The following UBE2V2 variants were observed in gnomAD, a reference collection of about 807,000 sequenced individuals.
UBE2V2 encodes the protein ubiquitin conjugating enzyme E2 V2.
In UBE2V2, 9 loss-of-function variants were observed where a neutral mutation model predicts 17.2. The observed-to-expected ratio is 0.52, with a 90% CI of 0.32 to 0.91. The LOEUF (loss-of-function observed/expected upper bound fraction) is 0.91. Ranked by LOEUF, UBE2V2 falls within the 40% of genes least tolerant of loss-of-function variation. UBE2V2 has a pLI of 0.04. For missense variants in UBE2V2, 133 were observed against 182.6 expected (o/e 0.73, Z 1.56); for synonymous variants, 61 against 57.5 (o/e 1.06, Z -0.28).
upstream of UBE2V2, among the ~76,000 whole-genome samples, chr8:48,006,636 A>G (rs1210540036): frequency 6.6e-6 from 1 of 152,188 alleles, no homozygotes; most frequent in Non-Finnish European, 1.5e-5. Context: ...CTGCTTCAAC[A>G]TATGCAAATC....
At chr8:48,007,979 G>A (rs1296421513), upstream of UBE2V2, among the ~76,000 whole-genome samples, 2 of 152,140 alleles carry the variant, frequency 1.3e-5, no homozygotes, top group Non-Finnish European at 2.9e-5. Context: ...CTGGAGTGCA[G>A]TGGCGCAATC....
chr8:47,998,244 T>C, the UBE2V2 span, among the ~76,000 whole-genome samples: 4 of 151,872 alleles, frequency 2.6e-5, no homozygotes, highest in Admixed American at 2.0e-4. Context: ...TGAGATTGCA[T>C]AGGAGGCACC....
chr8:48,022,427 C>T (rs905720474), intron 1 of UBE2V2, among the ~76,000 whole-genome samples: 2 of 152,144 alleles, frequency 1.3e-5, no homozygotes, highest in African/African-American at 4.8e-5. Flanking sequence ...TGAACCACCA[C>T]GCCCAGCCTG....
chr8:48,036,005 T>TGG lies in UBE2V2; in HGVS notation c.17-7027_17-7026dup, dbSNP rs1320907643. On this transcript the variant is annotated intron_variant, in intron 1 of 3. Coordinates refer to ENST00000523111, the MANE Select transcript of UBE2V2 (RefSeq NM_003350.3). ...TCACTCTGTCACCCAGGCTAGAGTG[T>TGG]GGTGGCGTGAACAAACATGGCTCAC... Among the ~76,000 whole-genome samples, 4 of 148,886 alleles carry TGG rather than the reference T, an allele frequency of 2.7e-5. No homozygotes were observed. The East Asian group carries it at 8.0e-4, about 30-fold the overall frequency.
intron 2 of UBE2V2, among the ~76,000 whole-genome samples, chr8:48,044,528 T>C (rs2091485537): frequency 2.0e-5 from 3 of 152,226 alleles, no homozygotes; most frequent in Non-Finnish European, 2.9e-5. Context: ...GTGTGTTTTA[T>C]GTTGTTTTCT....
At chr8:48,003,202 T>A in the UBE2V2 span, among the ~76,000 whole-genome samples, 1 of 145,902 alleles carries the variant, frequency 6.9e-6, no homozygotes, top group South Asian at 2.2e-4. Flanking sequence ...AGAGCAAGAC[T>A]CTGTCTCAAA....
In UBE2V2 at chr8:48,062,647, T is replaced by A. The variant is rs897309211; in HGVS notation, c.*1819T>A. Reference sequence around the variant, plus strand: ...GACCTTGGCTGTATATTAAAATAGTTACTTTTATAGTAGAGCACATTTCTC... The same window carrying A: ...GACCTTGGCTGTATATTAAAATAGTAACTTTTATAGTAGAGCACATTTCTC... On this transcript the variant is annotated 3_prime_UTR_variant, in exon 4 of 4. Coordinates refer to ENST00000523111, the MANE Select transcript of UBE2V2 (RefSeq NM_003350.3). The A allele has an allele frequency of 1.3e-5, 2 of 152,086 alleles. No individual in the cohort carries two copies. Among genetic ancestry groups the A allele is most frequent in the East Asian group, 3.8e-4 (2 of 5,200 alleles). 9.4% of individuals were successfully genotyped at this position (152,086 alleles called of 1,614,324 possible).
chr8:48,037,769 AAAATG>A (rs2091434502), intron 1 of UBE2V2, among the ~76,000 whole-genome samples: 1 of 152,256 alleles, frequency 6.6e-6, no homozygotes, highest in African/African-American at 2.4e-5. Flanking sequence ...TTACAACAGT[AAAATG>A]AACCACAACT....
the UBE2V2 span, among the ~76,000 whole-genome samples, chr8:47,999,819 G>A: frequency 1.2e-4 from 18 of 152,292 alleles, no homozygotes; most frequent in South Asian, 1.9e-3. Flanking sequence ...GCAGACTCAC[G>A]TCTCAAAAAC....
At position 48,044,175 on chromosome 8, in the gene UBE2V2, T is replaced by G. The variant is rs183800447; in HGVS notation, c.165+994T>G. 2.1e-3 allele frequency among the ~76,000 whole-genome samples: 325 copies of G among 151,772 alleles called. 1 individual carries two copies. Among genetic ancestry groups the G allele is most frequent in the African/African-American group, 7.0e-3 (291 of 41,426 alleles). ...TGATGATGATGATGATGATGATGAT[T>G]ATTGAGACAACATCTTGTTCAGCCA... On this transcript the variant is annotated intron_variant, in intron 2 of 3. Coordinates refer to ENST00000523111, the MANE Select transcript of UBE2V2 (RefSeq NM_003350.3).
intron 1 of UBE2V2, among the ~76,000 whole-genome samples, chr8:48,010,644 G>A (rs1349866564): frequency 2.0e-5 from 3 of 149,736 alleles, no homozygotes; most frequent in Non-Finnish European, 4.4e-5. Flanking sequence ...CTCGTGATCC[G>A]GCCTCCCAAA....
upstream of UBE2V2, among the ~76,000 whole-genome samples, chr8:48,006,748 GC>G (rs2091185440): frequency 6.6e-6 from 1 of 152,132 alleles, no homozygotes; most frequent in South Asian, 2.1e-4. Flanking sequence ...AGCCCTTCAT[GC>G]TAAAAACTCT....
At chr8:48,051,280 A>G (rs567103718) in intron 3 of UBE2V2, among the ~76,000 whole-genome samples, 1 of 152,332 alleles carries the variant, frequency 6.6e-6, no homozygotes, top group South Asian at 2.1e-4. Context: ...TCTTGGTGCC[A>G]TGTTGAGAGC....
intron 3 of UBE2V2, among the ~76,000 whole-genome samples, chr8:48,054,277 C>A (rs779930272): frequency 6.6e-6 from 1 of 152,178 alleles, no homozygotes; most frequent in Non-Finnish European, 1.5e-5. Context: ...GGGAATACAT[C>A]TAGAAGTGTG....
rs185396725 is a variant in UBE2V2 at position 48,022,299 on chromosome 8, C to G, written c.16+13829C>G. Among the ~76,000 whole-genome samples, 787 of 152,002 alleles carry G rather than the reference C, an allele frequency of 5.2e-3. 12 individuals carry two copies. Among genetic ancestry groups the G allele is most frequent in the African/African-American group, 0.018 (761 of 41,462 alleles). On this transcript the variant is annotated intron_variant, in intron 1 of 3. Coordinates refer to ENST00000523111, the MANE Select transcript of UBE2V2 (RefSeq NM_003350.3). ...TACAGGCGGCTGCCACCACACCCCA[C>G]TAATTTTTGTATTTTTAGTGGAGAT...
intron 1 of UBE2V2, among the ~76,000 whole-genome samples, chr8:48,030,224 A>G (rs890351230): frequency 3.9e-5 from 6 of 152,206 alleles, no homozygotes; most frequent in Non-Finnish European, 8.8e-5. Flanking sequence ...ACGAGATAGT[A>G]ATGTCCTGGG....
chr8:48,019,859 C>T (rs982003306), intron 1 of UBE2V2, among the ~76,000 whole-genome samples: 4 of 151,624 alleles, frequency 2.6e-5, no homozygotes, highest in African/African-American at 9.7e-5. Flanking sequence ...CCTATAATTC[C>T]ACTTGGGAGG....
chr8:48,050,736 CT>C (rs1405401086), intron 3 of UBE2V2, among the ~76,000 whole-genome samples: 4 of 149,566 alleles, frequency 2.7e-5, no homozygotes, highest in African/African-American at 7.4e-5. Context: ...TTGAATGTTA[CT>C]TTTCTGAGGG....
chr8:48,047,003 C>T (rs1285853441), intron 2 of UBE2V2, among the ~76,000 whole-genome samples: 1 of 150,956 alleles, frequency 6.6e-6, no homozygotes, highest in African/African-American at 2.4e-5. Flanking sequence ...TTCAGTGACA[C>T]TATCTCGGGC....
Sources: allele counts gnomAD v4.1 joint callset (sites outside exome capture counted in the v4.1 genomes callset), GRCh38; gene constraint gnomAD v4.1.1; transcripts MANE v1.5; gene names NCBI Gene and HGNC (gene_info 2026-07-23, HGNC 2026-07-21).